COL14A1: variants seen among roughly 807,000 people sequenced by gnomAD.
COL14A1 encodes the protein collagen type XIV alpha 1 chain, also known as collagen alpha-1(XIV) chain.
A neutral mutation model predicts 230.3 loss-of-function variants in COL14A1; 136 were observed. That is an observed-to-expected ratio of 0.59 (90% CI 0.51 to 0.68). The LOEUF is 0.68. COL14A1 is among the 30% of genes least tolerant of loss of function. The pLI is 0.00. For missense variants in COL14A1, 1,976 were observed against 2,215.8 expected (o/e 0.89, Z 2.17); for synonymous variants, 792 against 784.1 (o/e 1.01, Z -0.17).
chr8:120,158,115 G>A lies in COL14A1; in HGVS notation c.89-15G>A. The A allele has an allele frequency of 7.4e-7, 1 of 1,347,556 alleles. No homozygotes were observed. Among genetic ancestry groups the A allele is most frequent in the Non-Finnish European group, 1.0e-6 (1 of 958,890 alleles). The allele number at this position is 1,347,556 out of a possible 1,614,324, so 83.5% of individuals were successfully genotyped here. ...ATGTTACAATGTTTACATCATTTTT[G>A]TTCTTCCTTTTCAGTGGCTCCACCC... On this transcript the variant is annotated splice_polypyrimidine_tract_variant and intron_variant, in intron 2 of 47. Transcript: ENST00000297848.
chr8:120,161,757 G>C (rs1406538273), intron 3 of COL14A1, among the ~76,000 whole-genome samples: 1 of 152,022 alleles, frequency 6.6e-6, no homozygotes, highest in East Asian at 1.9e-4. Flanking sequence ...TCTGCCTCCT[G>C]GGTTCAAACG....
At chr8:120,174,619 C>T (rs894978201) in intron 5 of COL14A1, among the ~76,000 whole-genome samples, 1 of 152,024 alleles carries the variant, frequency 6.6e-6, no homozygotes, top group African/African-American at 2.4e-5. Context: ...CTTTCTGAGC[C>T]CACTTTCAGG....
intron 43 of COL14A1, 48 bp downstream of exon 43, chr8:120,341,408 T>A (rs1200477920): frequency 6.3e-7 from 1 of 1,582,414 alleles, no homozygotes; most frequent in Non-Finnish European, 8.7e-7. Flanking sequence ...GTTGCACCCC[T>A]TCCATTGCAT....
rs1465848203 is a variant in COL14A1, at chr8:120,371,138, C to A, written c.5312-14C>A. Reference sequence around the variant, plus strand: ...TGGGTGCAGCAAGTCCCCACCCCCACTTTTCCTCTTTAGCTCCCCATCCAG... The same window carrying A: ...TGGGTGCAGCAAGTCCCCACCCCCAATTTTCCTCTTTAGCTCCCCATCCAG... On this transcript the variant is annotated splice_polypyrimidine_tract_variant and intron_variant, in intron 47 of 47. Transcript: ENST00000297848. 3 of 1,596,208 alleles carry A rather than the reference C, an allele frequency of 1.9e-6. No individual in the cohort carries two copies. Among genetic ancestry groups the A allele is most frequent in the Admixed American group, 1.8e-5 (1 of 55,146 alleles).
At position 120,182,726 on chromosome 8, in the gene COL14A1, G is replaced by GGTTTTTTTTTT. The variant is rs1554603200; in HGVS notation, c.437-14065_437-14064insGTTTTTTTTTT. On this transcript the variant is annotated intron_variant, in intron 5 of 47. Coordinates refer to ENST00000297848, the MANE Select transcript of COL14A1 (RefSeq NM_021110.4). ...AACTTAATTTTTTTTATTTTTCTTC[G>GGTTTTTTTTTT]TTTTTTTTTTTTTTTTTTGAGGTGG... 3.1e-5 allele frequency among the ~76,000 whole-genome samples: 4 copies of GGTTTTTTTTTT among 129,014 alleles called. 1 individual carries two copies. Among genetic ancestry groups the GGTTTTTTTTTT allele is most frequent in the African/African-American group, 8.6e-5 (3 of 34,948 alleles). 84.6% of individuals were successfully genotyped at this position (129,014 alleles called of 152,430 possible).
At chr8:120,302,439 A>G (rs1366607600) in intron 36 of COL14A1, among the ~76,000 whole-genome samples, 1 of 152,188 alleles carries the variant, frequency 6.6e-6, no homozygotes, top group East Asian at 1.9e-4. Context: ...GAAGGGGTCC[A>G]GTTTCAATCT....
At chr8:120,315,481 C>A in intron 38 of COL14A1, 52 bp from the exon 39 acceptor site, 2 of 1,438,102 alleles carry the variant, frequency 1.4e-6, no homozygotes, top group Non-Finnish European at 1.9e-6. Context: ...GAAAAGAAAA[C>A]GCTAAGAATT....
intron 11 of COL14A1, among the ~76,000 whole-genome samples, chr8:120,208,942 A>G (rs1428804489): frequency 6.6e-6 from 1 of 152,196 alleles, no homozygotes; most frequent in African/African-American, 2.4e-5. Flanking sequence ...TCTAATATTA[A>G]CAGAGTTCCT....
intron 38 of COL14A1, 125 bp from the exon 39 acceptor site, chr8:120,315,408 A>G: frequency 1.8e-6 from 1 of 544,592 alleles, no homozygotes; most frequent in Non-Finnish European, 3.2e-6. Context: ...ATATATATAT[A>G]TTCTGTTTAG....
At chr8:120,210,796 C>T (rs1197982843) in intron 12 of COL14A1, among the ~76,000 whole-genome samples, 1 of 151,760 alleles carries the variant, frequency 6.6e-6, no homozygotes, top group Admixed American at 6.6e-5. Context: ...TCTTTAGGGT[C>T]AAAAAAATGG....
At chr8:120,308,843 T>C (rs1199400309) in intron 36 of COL14A1, among the ~76,000 whole-genome samples, 1 of 152,202 alleles carries the variant, frequency 6.6e-6, no homozygotes, top group African/African-American at 2.4e-5. Flanking sequence ...AAAATATAAA[T>C]TCTGTCTAGT....
At chr8:120,204,930 C>G (rs926376907) in intron 9 of COL14A1, among the ~76,000 whole-genome samples, 3 of 152,078 alleles carry the variant, frequency 2.0e-5, no homozygotes, top group African/African-American at 4.8e-5. Context: ...GGAAAAGATT[C>G]ATTACCATCT....
At position 120,231,618 on chromosome 8, in the gene COL14A1, G is replaced by A. The variant is rs1294108861; in HGVS notation, c.2349G>A (p.Thr783=). The stretch of plus-strand genomic sequence containing the variant: ...ACCCTGAGGAAGAAGTCATAGGAAC[G>A]GTCTGTATAAATTCAACTGACTAGA... The part of the protein sequence containing the change: ...QGDPEEEVIG[T]VMVPGSQNNL... The change falls in exon 19 of 48, where the codon ACG becomes ACA. Residue 783 remains threonine (T), a splice_region_variant and synonymous_variant. Coordinates refer to ENST00000297848, the MANE Select transcript of COL14A1 (RefSeq NM_021110.4). 3.7e-6 allele frequency: 6 copies of A among 1,612,506 alleles called. No individual in the cohort carries two copies. The highest frequency in any genetic ancestry group is 5.1e-6 in the Non-Finnish European group (6 of 1,179,464).
intron 14 of COL14A1, among the ~76,000 whole-genome samples, chr8:120,220,935 G>A (rs1817915751): frequency 6.6e-6 from 1 of 152,154 alleles, no homozygotes; most frequent in Non-Finnish European, 1.5e-5. Context: ...TGCTTCCCAT[G>A]AGCCAGGCAC....
At chr8:120,312,140 A>T (rs1047481974) in intron 37 of COL14A1, among the ~76,000 whole-genome samples, 1 of 151,956 alleles carries the variant, frequency 6.6e-6, no homozygotes, top group Non-Finnish European at 1.5e-5. Flanking sequence ...ATATATTAAA[A>T]TGATTTATTA....
At chr8:120,337,642 A>G (rs995323228) in intron 42 of COL14A1, among the ~76,000 whole-genome samples, 20 of 152,092 alleles carry the variant, frequency 1.3e-4, no homozygotes, top group African/African-American at 4.3e-4. Context: ...CGGTGAATCT[A>G]TGAATGTAGC....
chr8:120,347,536 G>A (rs1469419127), intron 45 of COL14A1, among the ~76,000 whole-genome samples: 1 of 152,130 alleles, frequency 6.6e-6, no homozygotes, highest in African/African-American at 2.4e-5. Context: ...GCTGCAGCTT[G>A]GATTTGCTGC....
intron 19 of COL14A1, among the ~76,000 whole-genome samples, chr8:120,240,912 C>T (rs1279635168): frequency 6.6e-6 from 1 of 152,164 alleles, no homozygotes; most frequent in African/African-American, 2.4e-5. Context: ...TGACTTTCAA[C>T]TCTGTCTTGG....
rs1820187960 is a variant in COL14A1 at position 120,285,970 on chromosome 8, G to A, written c.4077G>A (p.Lys1359=). The A allele has an allele frequency of 1.3e-6, 2 of 1,499,614 alleles. No individual in the cohort carries two copies. Among genetic ancestry groups the A allele is most frequent in the South Asian group, 1.1e-5 (1 of 88,358 alleles). 92.9% of individuals were successfully genotyped at this position (1,499,614 alleles called of 1,614,324 possible). The part of the protein sequence containing the change: ...IRKIFYGSFH[K]LHIVVSETLV... ...AAATTTTTTATGGAAGCTTTCACAA[G>A]GTTAGTAATGCTTTGTATGCATATA... Residue 1359 remains lysine (K), a splice_region_variant and synonymous_variant, in exon 33 of 48, where the codon AAG becomes AAA. Transcript: ENST00000297848.
Sources: allele counts gnomAD v4.1 joint callset (sites outside exome capture counted in the v4.1 genomes callset), GRCh38; gene constraint gnomAD v4.1.1; transcripts MANE v1.5; gene names NCBI Gene and HGNC (gene_info 2026-07-23, HGNC 2026-07-21).